RALGPS1: variants seen among roughly 807,000 people sequenced by gnomAD.
RALGPS1 encodes ras-specific guanine nucleotide-releasing factor RalGPS1.
In RALGPS1, 19 loss-of-function variants were observed where a neutral mutation model predicts 78.8. The ratio of observed to expected loss-of-function variants is 0.24; its 90% CI spans 0.17 to 0.35. The LOEUF (loss-of-function observed/expected upper bound fraction) is 0.35, where lower values mean the gene tolerates loss of function less well. Ranked by LOEUF, RALGPS1 falls within the 10% of genes least tolerant of loss-of-function variation. The pLI, the probability that RALGPS1 is intolerant of heterozygous loss-of-function variation, is 1.00. For synonymous variants in RALGPS1, 228 were observed against 256.3 expected, an observed-to-expected ratio of 0.89 and a Z score of 1.06; for missense variants, 454 against 688.3, an observed-to-expected ratio of 0.66 and a Z score of 3.81.
chr9:127,077,760 C>T (rs1440003512), intron 8 of RALGPS1, among the ~76,000 whole-genome samples: 1 of 152,178 alleles, frequency 6.6e-6, no homozygotes, highest in African/African-American at 2.4e-5. Context: ...TTCCACAGAT[C>T]CATCCTGGTT....
At chr9:126,963,349 ATG>A (rs984771486) in intron 2 of RALGPS1, among the ~76,000 whole-genome samples, 3 of 151,756 alleles carry the variant, frequency 2.0e-5, no homozygotes, top group South Asian at 2.1e-4. Flanking sequence ...ATATATGTAT[ATG>A]TGTGTGTGTG....
At chr9:126,917,773 G>A (rs925487943) in intron 1 of RALGPS1, among the ~76,000 whole-genome samples, 2 of 152,198 alleles carry the variant, frequency 1.3e-5, no homozygotes, top group Non-Finnish European at 2.9e-5. Context: ...AGCAGGACAG[G>A]GAATTCTGAG....
chr9:126,963,748 C>T (rs567000212), intron 2 of RALGPS1, among the ~76,000 whole-genome samples: 3 of 152,208 alleles, frequency 2.0e-5, no homozygotes, highest in Non-Finnish European at 4.4e-5. Context: ...CTTGGAATCA[C>T]ACAGCTGCCA....
intron 4 of RALGPS1, among the ~76,000 whole-genome samples, chr9:127,025,028 A>G (rs2045846122): frequency 6.6e-6 from 1 of 152,194 alleles, no homozygotes; most frequent in South Asian, 2.1e-4. Context: ...GTCAACCCCA[A>G]AAGTTCTGTG....
chr9:127,099,453 C>T (rs2053502213), intron 8 of RALGPS1, among the ~76,000 whole-genome samples: 1 of 152,190 alleles, frequency 6.6e-6, no homozygotes, highest in Non-Finnish European at 1.5e-5. Flanking sequence ...ATTGGATCTG[C>T]AATTTCCTAC....
chr9:126,956,977 T>G (rs963449978), intron 1 of RALGPS1, among the ~76,000 whole-genome samples: 4 of 152,204 alleles, frequency 2.6e-5, no homozygotes, highest in Non-Finnish European at 5.9e-5. Flanking sequence ...ATTGACTGAC[T>G]AGGGTTTGCA....
At chr9:127,037,758 C>A (rs1225522148) in intron 5 of RALGPS1, among the ~76,000 whole-genome samples, 2 of 152,254 alleles carry the variant, frequency 1.3e-5, no homozygotes, top group Non-Finnish European at 2.9e-5. Flanking sequence ...TTCAGTAGCT[C>A]TATCTGATGC....
rs1167907027 is a variant in RALGPS1, at chr9:127,195,087, G to A, written c.911-4G>A. ...CGTTGTTGCTCTCTCTGCTCTGTTT[G>A]CAGGTCCCTCTGCTGGCTCCGGTTC... On this transcript the variant is annotated splice_region_variant and splice_polypyrimidine_tract_variant and intron_variant, in intron 11 of 18. Coordinates refer to ENST00000259351, the MANE Select transcript of RALGPS1 (RefSeq NM_014636.3). 6.2e-7 allele frequency: 1 copy of A among 1,613,002 alleles called. No individual in the cohort carries two copies. Among genetic ancestry groups the A allele is most frequent in the African/African-American group, 1.3e-5 (1 of 74,892 alleles).
At chr9:127,123,156 C>T (rs952701480) in intron 8 of RALGPS1, among the ~76,000 whole-genome samples, 6 of 152,240 alleles carry the variant, frequency 3.9e-5, no homozygotes, top group Non-Finnish European at 7.3e-5. Context: ...AGCCGCCCTT[C>T]GTGGAGGCCT....
intron 14 of RALGPS1, among the ~76,000 whole-genome samples, chr9:127,204,832 T>A (rs1166693204): frequency 6.6e-6 from 1 of 152,214 alleles, no homozygotes; most frequent in Non-Finnish European, 1.5e-5. Context: ...AACTGAGTTT[T>A]AAAAGACACT....
chr9:127,116,103 T>C (rs2137451843), intron 8 of RALGPS1, among the ~76,000 whole-genome samples: 1 of 152,324 alleles, frequency 6.6e-6, no homozygotes, highest in South Asian at 2.1e-4. Context: ...AGCCTTCCCA[T>C]GCAGCTAGCC....
In RALGPS1 at chr9:127,005,052, C is replaced by T. The variant is rs76266158; in HGVS notation, c.216+27307C>T. ...GACATGACTGAGCTGAGTTGTGGCCCGGAGCAGAGGAAGGAGATTAAGCAG... is the reference window on the plus strand; with the variant it reads ...GACATGACTGAGCTGAGTTGTGGCCTGGAGCAGAGGAAGGAGATTAAGCAG... On this transcript the variant is annotated intron_variant, in intron 4 of 18. Coordinates refer to ENST00000259351, the MANE Select transcript of RALGPS1 (RefSeq NM_014636.3). Among the ~76,000 whole-genome samples the T allele has an allele frequency of 5.8e-3, 878 of 152,214 alleles. 6 individuals carry two copies. Among genetic ancestry groups the T allele is most frequent in the African/African-American group, 0.02 (838 of 41,518 alleles).
At chr9:127,128,169 G>A (rs2056763901) in intron 8 of RALGPS1, among the ~76,000 whole-genome samples, 1 of 152,106 alleles carries the variant, frequency 6.6e-6, no homozygotes, top group Non-Finnish European at 1.5e-5. Context: ...CCCTGCAAAG[G>A]ACATGAACTC....
intron 2 of RALGPS1, among the ~76,000 whole-genome samples, chr9:126,962,903 G>T (rs919281236): frequency 6.6e-6 from 1 of 152,180 alleles, no homozygotes; most frequent in Non-Finnish European, 1.5e-5. Context: ...TGTGTGTAAC[G>T]CCTGCTCCTC....
At chr9:127,023,457 C>G (rs1328136620) in intron 4 of RALGPS1, among the ~76,000 whole-genome samples, 3 of 152,084 alleles carry the variant, frequency 2.0e-5, no homozygotes, top group Non-Finnish European at 4.4e-5. Context: ...ATTTTTCTTC[C>G]TCTTTCCTTG....
chr9:127,095,148 C>T (rs1451199898), intron 8 of RALGPS1, among the ~76,000 whole-genome samples: 1 of 152,212 alleles, frequency 6.6e-6, no homozygotes, highest in Non-Finnish European at 1.5e-5. Flanking sequence ...CCTGTAATCC[C>T]AGCACTTTGG....
Position 127,222,829 on chromosome 9 carries a change from G to A in RALGPS1, c.*4060G>A, listed in dbSNP as rs1058266. ...GTTTTCAATTTCTTATGTACTCTTCGAAGTAAGTTGAAAATCAGTTTCTAC... is the reference window on the plus strand; with the variant it reads ...GTTTTCAATTTCTTATGTACTCTTCAAAGTAAGTTGAAAATCAGTTTCTAC... On this transcript the variant is annotated 3_prime_UTR_variant, in exon 19 of 19. Transcript: ENST00000259351. 0.22 allele frequency: 34,028 copies of A among 152,520 alleles called. 4,333 individuals are homozygous for A. The highest frequency in any genetic ancestry group is 0.29 in the Non-Finnish European group (19,671 of 67,986). 9.4% of individuals were successfully genotyped at this position (152,520 alleles called of 1,614,324 possible). A position where few individuals can be genotyped will look rare whatever the true frequency, so the allele number is the denominator to read the frequency against.
intron 8 of RALGPS1, among the ~76,000 whole-genome samples, chr9:127,079,199 G>A (rs764351816): frequency 2.0e-5 from 3 of 152,220 alleles, no homozygotes; most frequent in Non-Finnish European, 4.4e-5. Context: ...TCCTGGAGAA[G>A]CACATTGACT....
At chr9:126,970,841 AAG>A (rs1256090447) in intron 3 of RALGPS1, among the ~76,000 whole-genome samples, 1 of 152,236 alleles carries the variant, frequency 6.6e-6, no homozygotes, top group Admixed American at 6.5e-5. Flanking sequence ...TGTACAAAAA[AAG>A]AGACAAGAAT....
Sources: allele counts gnomAD v4.1 joint callset (sites outside exome capture counted in the v4.1 genomes callset), GRCh38; gene constraint gnomAD v4.1.1; transcripts MANE v1.5; gene names NCBI Gene and HGNC (gene_info 2026-07-23, HGNC 2026-07-21).